Variants in MS4A10 observed in about 807,000 individuals in gnomAD.
MS4A10 encodes the protein membrane-spanning 4-domains subfamily A member 10.
A neutral mutation model predicts 27.7 loss-of-function variants in MS4A10; 27 were observed. That is an observed-to-expected ratio of 0.98 (90% CI 0.72 to 1.35). The LOEUF is 1.35. Among genes scored for constraint, MS4A10 ranks in the 40% most tolerant of loss-of-function variants. The probability of loss-of-function intolerance (pLI) is 0.00; values close to 1 mark genes in which losing one functional copy is unlikely to be tolerated. For synonymous variants in MS4A10, 139 were observed against 131.2 expected (o/e 1.06, Z -0.41); for missense variants, 338 against 324.7 (o/e 1.04, Z -0.32).
At chr11:60,788,578 G>A (rs914417416) in intron 1 of MS4A10, among the ~76,000 whole-genome samples, 1 of 152,230 alleles carries the variant, frequency 6.6e-6, no homozygotes, top group Non-Finnish European at 1.5e-5. Flanking sequence ...ACGGACTTCT[G>A]AAGGCTTGGG....
intron 6 of MS4A10, among the ~76,000 whole-genome samples, 177 bp from the exon 7 acceptor site, chr11:60,798,219 G>A (rs905856241): frequency 2.0e-5 from 3 of 152,172 alleles, no homozygotes; most frequent in Non-Finnish European, 2.9e-5. Flanking sequence ...TCAAGAACAG[G>A]GAGGGTGGAG....
intron 5 of MS4A10, 39 bp from the exon 6 acceptor site, chr11:60,795,516 C>T (rs866256072): frequency 9.4e-6 from 13 of 1,389,092 alleles, no homozygotes; most frequent in African/African-American, 4.4e-5. Context: ...AGACACCCAG[C>T]GAGGCCTCAC....
At chr11:60,789,418 C>T (rs11230476) in intron 1 of MS4A10, among the ~76,000 whole-genome samples, 9,684 of 152,264 alleles carry the variant, frequency 0.064, 1,005 homozygotes, top group African/African-American at 0.21. Context: ...GTGCATCCCA[C>T]GGCGTCAGTA....
chr11:60,799,279 G>C (rs1028923958), intron 7 of MS4A10, among the ~76,000 whole-genome samples: 1 of 152,190 alleles, frequency 6.6e-6, no homozygotes, highest in African/African-American at 2.4e-5. Context: ...CTTGTGCTAA[G>C]TAAATAATGT....
chr11:60,796,000 C>G (rs1591000523), intron 6 of MS4A10, among the ~76,000 whole-genome samples: 1 of 152,148 alleles, frequency 6.6e-6, no homozygotes, highest in South Asian at 2.1e-4. Flanking sequence ...TTCGGACCCA[C>G]AGGCATAGGT....
At position 60,791,095 on chromosome 11, in the gene MS4A10, T is replaced by G; in HGVS notation, c.303+2T>G. 1 of 1,613,814 alleles carries G rather than the reference T, an allele frequency of 6.2e-7. No individual in the cohort carries two copies. Among genetic ancestry groups the G allele is most frequent in the Non-Finnish European group, 8.5e-7 (1 of 1,179,928 alleles). On this transcript the variant is annotated splice_donor_variant, in intron 3 of 7. Coordinates refer to ENST00000308287, the MANE Select transcript of MS4A10 (RefSeq NM_206893.4). LOFTEE classifies it high-confidence loss of function. ...TATCCATTCTGGGGGGCTGCCTCTG[T>G]GAGTAGAAGGCAAAACACAGACCGG...
In MS4A10 at chr11:60,791,085, G is replaced by A; in HGVS notation, c.295G>A (p.Ala99Thr). 1.2e-6 allele frequency: 2 copies of A among 1,614,008 alleles called. No individual in the cohort carries two copies. The highest frequency in any genetic ancestry group is 1.7e-6 in the Non-Finnish European group (2 of 1,179,964). ...VLKSWYPFWG[A>T]ASFLISGILA... is the part of the protein sequence containing the mutation. ...GAAGTCTTGGTATCCATTCTGGGGG[G>A]CTGCCTCTGTGAGTAGAAGGCAAAA... The change falls in exon 3 of 8, where the codon GCT becomes ACT. Residue 99 changes from alanine (A) to threonine (T), a missense_variant. Ala to Thr is a moderately conservative substitution (Grantham distance 58). Coordinates refer to ENST00000308287, the MANE Select transcript of MS4A10 (RefSeq NM_206893.4).
rs1843458033 is a variant in MS4A10 at position 60,798,500 on chromosome 11, C to A, written c.708C>A (p.His236Gln). 3 of 1,613,892 alleles carry A rather than the reference C, an allele frequency of 1.9e-6. No individual in the cohort carries two copies. In the South Asian group the frequency reaches 3.3e-5, roughly 18 times the overall value. Residue 236 changes from histidine (H) to glutamine (Q), a missense_variant, in exon 7 of 8, where the codon CAC becomes CAA. Transcript: ENST00000308287. ...GTGTGATTCAAGGCGACGCACAACACAAGCAACATCAGAGGTGAAGAGGTT... is the reference window on the plus strand; with the variant it reads ...GTGTGATTCAAGGCGACGCACAACAAAAGCAACATCAGAGGTGAAGAGGTT... The part of the protein sequence containing the change: ...YQSVIQGDAQ[H>Q]KQHQRLREVK...
chr11:60,787,703 G>A (rs115943117), intron 1 of MS4A10, among the ~76,000 whole-genome samples: 3 of 152,100 alleles, frequency 2.0e-5, no homozygotes, highest in Admixed American at 6.6e-5. Context: ...GCATAGAACC[G>A]TTAGACAATG....
chr11:60,785,480 T>C (rs574333377), intron 1 of MS4A10, 59 bp downstream of exon 1: 4 of 152,330 alleles, frequency 2.6e-5, no homozygotes, highest in Admixed American at 2.6e-4. Context: ...CCATGTGGAG[T>C]TGGGGGGTTG....
intron 1 of MS4A10, among the ~76,000 whole-genome samples, chr11:60,786,042 C>T (rs754747626): frequency 2.0e-5 from 3 of 152,034 alleles, no homozygotes; most frequent in Non-Finnish European, 4.4e-5. Flanking sequence ...TTCACTGAAA[C>T]GCTGATCCTC....
chr11:60,791,080 G>A lies in MS4A10; in HGVS notation c.290G>A (p.Trp97Ter), dbSNP rs777512469. The A allele has an allele frequency of 1.1e-5, 17 of 1,613,854 alleles. No individual in the cohort carries two copies. Among genetic ancestry groups the A allele is most frequent in the Non-Finnish European group, 1.4e-5 (17 of 1,179,966 alleles). Residue 97 changes from tryptophan (W) to a stop codon, truncating the protein, a stop_gained, in exon 3 of 8, where the codon TGG becomes TAG. Transcript: ENST00000308287. LOFTEE classifies it high-confidence loss of function. The stretch of plus-strand genomic sequence containing the variant: ...GTGCTGAAGTCTTGGTATCCATTCT[G>A]GGGGGCTGCCTCTGTGAGTAGAAGG... ...LVVLKSWYPF[W>*]GAASFLISGI...
Position 60,798,467 on chromosome 11 carries a change from C to A in MS4A10, c.675C>A (p.Ser225=). Residue 225 remains serine (S), a synonymous_variant, in exon 7 of 8, where the codon TCC becomes TCA. Transcript: ENST00000308287. ...LKGLPVEPPP[S]YQSVIQGDAQ... ...GCCTGCCGGTGGAGCCCCCGCCATC[C>A]TACCAGAGTGTGATTCAAGGCGACG... 6.2e-7 allele frequency: 1 copy of A among 1,614,098 alleles called. No individual in the cohort carries two copies. The highest frequency in any genetic ancestry group is 8.5e-7 in the Non-Finnish European group (1 of 1,180,002).
At chr11:60,795,245 G>A (rs75895657) in intron 5 of MS4A10, among the ~76,000 whole-genome samples, 2,342 of 152,214 alleles carry the variant, frequency 0.015, 62 homozygotes, top group African/African-American at 0.054. Flanking sequence ...AATAGGCTTG[G>A]ATCAGATGAC....
chr11:60,790,554 G>A (rs771947571), intron 2 of MS4A10, 36 bp downstream of exon 2: 1 of 1,610,766 alleles, frequency 6.2e-7, no homozygotes, highest in Admixed American at 1.7e-5. Flanking sequence ...AGCAGTGGGA[G>A]GCAGAGGAGA....
At chr11:60,795,511 C>A in intron 5 of MS4A10, 44 bp from the exon 6 acceptor site, 1 of 1,354,568 alleles carries the variant, frequency 7.4e-7, no homozygotes, top group Non-Finnish European at 9.9e-7. Context: ...CGTGCAGACA[C>A]CCAGCGAGGC....
rs537352070 is a variant in MS4A10 at position 60,795,981 on chromosome 11, C to T, written c.603+316C>T. ...TTGCATCACAGAGGCCCATGATGAC[C>T]GGGCAGGATTCGGACCCACAGGCAT... On this transcript the variant is annotated intron_variant, in intron 6 of 7. Transcript: ENST00000308287. 1.6e-4 allele frequency among the ~76,000 whole-genome samples: 24 copies of T among 152,234 alleles called. 1 individual carries two copies. The South Asian group carries it at 3.3e-3, about 21-fold the overall frequency.
rs769418326 is a variant in MS4A10, at chr11:60,798,478, T to C, written c.686T>C (p.Val229Ala). Reference protein sequence around the residue: ...PVEPPPSYQSVIQGDAQHKQH... With the variant: ...PVEPPPSYQSAIQGDAQHKQH... ...GAGCCCCCGCCATCCTACCAGAGTG[T>C]GATTCAAGGCGACGCACAACACAAG... Residue 229 changes from valine to alanine, a missense_variant, in exon 7 of 8, where the codon GTG (valine) becomes GCG (alanine). Transcript: ENST00000308287. 1.2e-6 allele frequency: 2 copies of C among 1,614,068 alleles called. No individual in the cohort carries two copies. Among genetic ancestry groups the C allele is most frequent in the Non-Finnish European group, 1.7e-6 (2 of 1,179,988 alleles).
At chr11:60,793,489 A>G (rs1405466667) in intron 4 of MS4A10, among the ~76,000 whole-genome samples, 1 of 152,168 alleles carries the variant, frequency 6.6e-6, no homozygotes, top group Admixed American at 6.5e-5. Flanking sequence ...CATTTCAGGA[A>G]CCATGGCAGG....
Sources: allele counts gnomAD v4.1 joint callset (sites outside exome capture counted in the v4.1 genomes callset), GRCh38; gene constraint gnomAD v4.1.1; transcripts MANE v1.5; gene names NCBI Gene and HGNC (gene_info 2026-07-23, HGNC 2026-07-21).